WWOX: variants seen among roughly 807,000 people sequenced by gnomAD.
WWOX encodes WW domain-containing oxidoreductase.
In WWOX, 69 loss-of-function variants were observed where a neutral mutation model predicts 46.2. The ratio of observed to expected loss-of-function variants is 1.49; its 90% CI spans 1.23 to 1.82. WWOX has a LOEUF of 1.82. Among genes scored for constraint, WWOX ranks in the 40% most tolerant of loss-of-function variants. The pLI, the probability that WWOX is intolerant of heterozygous loss-of-function variation, is 0.00. For synonymous variants in WWOX, 359 were observed against 202.6 expected (o/e 1.77, Z -6.56); for missense variants, 919 against 542.6 (o/e 1.69, Z -6.89).
chr16:78,774,285 C>T (rs2050133854), intron 8 of WWOX, among the ~76,000 whole-genome samples: 1 of 152,086 alleles, frequency 6.6e-6, no homozygotes, highest in Admixed American at 6.5e-5. Context: ...CCTGTAATCC[C>T]AGCTACTCAG....
chr16:78,990,359 C>G (rs2046862476), intron 8 of WWOX, among the ~76,000 whole-genome samples: 1 of 152,136 alleles, frequency 6.6e-6, no homozygotes, highest in East Asian at 1.9e-4. Flanking sequence ...GAGAAGGGCC[C>G]TGTCCGCAGC....
At chr16:78,560,061 T>G (rs1345841779) in intron 8 of WWOX, among the ~76,000 whole-genome samples, 1 of 152,218 alleles carries the variant, frequency 6.6e-6, no homozygotes, top group African/African-American at 2.4e-5. Context: ...CTTTTGGTTG[T>G]TAGGAGAAAT....
At chr16:78,398,429 G>A (rs770538150) in intron 6 of WWOX, among the ~76,000 whole-genome samples, 4 of 152,130 alleles carry the variant, frequency 2.6e-5, no homozygotes, top group African/African-American at 9.7e-5. Context: ...TGACAATGAG[G>A]GTAGTTAGGA....
At chr16:79,117,198 A>T (rs893540163) in intron 8 of WWOX, among the ~76,000 whole-genome samples, 14 of 152,046 alleles carry the variant, frequency 9.2e-5, no homozygotes, top group African/African-American at 3.1e-4. Context: ...TTTAGTAGAG[A>T]CACAATTTCA....
chr16:79,053,166 G>A (rs550033292), intron 8 of WWOX, among the ~76,000 whole-genome samples: 11 of 152,230 alleles, frequency 7.2e-5, no homozygotes, highest in South Asian at 2.1e-4. Flanking sequence ...GAAACAACTG[G>A]ATTGCGTTTT....
At chr16:78,788,706 C>G (rs1250226503) in intron 8 of WWOX, among the ~76,000 whole-genome samples, 2 of 152,198 alleles carry the variant, frequency 1.3e-5, no homozygotes, top group African/African-American at 4.8e-5. Context: ...CTGTCATCTG[C>G]TCCAGCAAAT....
chr16:78,789,770 G>C (rs1017323390), intron 8 of WWOX, among the ~76,000 whole-genome samples: 1 of 152,128 alleles, frequency 6.6e-6, no homozygotes, highest in African/African-American at 2.4e-5. Context: ...CAAACACCAT[G>C]ACATACAACT....
rs574637300 is a variant in WWOX at position 78,202,289 on chromosome 16, C to T, written c.516+38000C>T. 2.6e-4 allele frequency among the ~76,000 whole-genome samples: 39 copies of T among 152,300 alleles called. No individual in the cohort carries two copies. In the South Asian group the frequency reaches 7.7e-3, roughly 30 times the overall value. On this transcript the variant is annotated intron_variant, in intron 5 of 8. Transcript: ENST00000566780. ...GGTGCAACATGCCATGACCATGAGG[C>T]CTCTGGTAGAAAGGAAGGAATGAAG...
At chr16:78,247,408 A>T (rs2037847053) in intron 5 of WWOX, among the ~76,000 whole-genome samples, 1 of 151,658 alleles carries the variant, frequency 6.6e-6, no homozygotes. Context: ...TTTTTTTGCC[A>T]TGGGTGCAAA....
Position 79,038,418 on chromosome 16 carries a change from A to G in WWOX, c.1057-173190A>G, listed in dbSNP as rs189987857. On this transcript the variant is annotated intron_variant, in intron 8 of 8. Transcript: ENST00000566780. ...TCTAATTATGGAAAAAATTACTAAG[A>G]TATGTTTTAACATGCCCTAGACATG... Among the ~76,000 whole-genome samples the G allele has an allele frequency of 3.9e-5, 6 of 152,268 alleles. No individual in the cohort carries two copies. In the East Asian group the frequency reaches 1.2e-3, roughly 29 times the overall value.
At chr16:78,619,759 A>G (rs2046131524) in intron 8 of WWOX, among the ~76,000 whole-genome samples, 2 of 151,842 alleles carry the variant, frequency 1.3e-5, no homozygotes, top group African/African-American at 4.8e-5. Context: ...AAAGCAACAA[A>G]AAAATGAGAC....
chr16:78,877,772 T>G (rs2044263824), intron 8 of WWOX, among the ~76,000 whole-genome samples: 1 of 152,170 alleles, frequency 6.6e-6, no homozygotes, highest in African/African-American at 2.4e-5. Flanking sequence ...CAATATTTAT[T>G]GGAGGAATGA....
At chr16:78,231,746 A>G (rs1597379590) in intron 5 of WWOX, among the ~76,000 whole-genome samples, 1 of 152,280 alleles carries the variant, frequency 6.6e-6, no homozygotes, top group East Asian at 1.9e-4. Context: ...GAACTTAAGG[A>G]GTAGCTGATT....
intron 5 of WWOX, among the ~76,000 whole-genome samples, chr16:78,221,902 G>A (rs2036901155): frequency 6.6e-6 from 1 of 152,096 alleles, no homozygotes; most frequent in Non-Finnish European, 1.5e-5. Context: ...GTAATTCATT[G>A]GGCCCTATTT....
At chr16:79,180,626 G>C (rs1441520551) in intron 8 of WWOX, among the ~76,000 whole-genome samples, 1 of 152,046 alleles carries the variant, frequency 6.6e-6, no homozygotes, top group East Asian at 1.9e-4. Flanking sequence ...TCATTCAATT[G>C]CTTAATTTGC....
chr16:78,697,536 A>G (rs527996122), intron 8 of WWOX, among the ~76,000 whole-genome samples: 4 of 152,182 alleles, frequency 2.6e-5, no homozygotes, highest in African/African-American at 7.2e-5. Context: ...CAGGATCTAC[A>G]TGGAACTCAA....
At chr16:79,024,325 C>G (rs1336818798) in intron 8 of WWOX, among the ~76,000 whole-genome samples, 1 of 152,196 alleles carries the variant, frequency 6.6e-6, no homozygotes, top group Non-Finnish European at 1.5e-5. Flanking sequence ...GTGGCACAGT[C>G]ACAGCTCACT....
chr16:78,367,392 C>G (rs1018395298), intron 5 of WWOX, among the ~76,000 whole-genome samples: 2 of 132,388 alleles, frequency 1.5e-5, no homozygotes, highest in Non-Finnish European at 3.2e-5. Flanking sequence ...TTGCTTAAAA[C>G]ATGATGAGAT....
intron 4 of WWOX, among the ~76,000 whole-genome samples, chr16:78,152,701 C>T (rs1194299183): frequency 6.6e-6 from 1 of 152,190 alleles, no homozygotes; most frequent in African/African-American, 2.4e-5. Flanking sequence ...CTTATTCACC[C>T]AGCACAGTGG....
Sources: gnomAD v4.1 joint callset for allele counts (sites outside exome capture counted in the v4.1 genomes callset) on GRCh38, gnomAD v4.1.1 for gene constraint, MANE v1.5 for transcripts, NCBI Gene and HGNC (gene_info 2026-07-23, HGNC 2026-07-21) for gene names.